Variants in DLC1 observed in about 807,000 individuals in gnomAD.
The protein encoded by DLC1 is rho GTPase-activating protein 7.
Under a neutral mutation model 140.3 loss-of-function variants are expected in DLC1, and 54 were observed. The ratio of observed to expected loss-of-function variants is 0.38; its 90% confidence interval spans 0.31 to 0.48. The LOEUF (loss-of-function observed/expected upper bound fraction) is 0.48. DLC1 is among the 20% of genes least tolerant of loss of function. The pLI, the probability that DLC1 is intolerant of heterozygous loss-of-function variation, is 0.96. For missense variants in DLC1, 2,536 were observed against 1,907.0 expected (o/e 1.33, Z -6.14); for synonymous variants, 986 against 728.1 (o/e 1.35, Z -5.70).
intron 5 of DLC1, chr8:13,304,958 C>A: frequency 9.7e-7 from 1 of 1,031,810 alleles, no homozygotes; most frequent in Admixed American, 5.4e-5. Context: ...TAACTAATTT[C>A]CAAATTCATT....
chr8:13,363,672 A>C (rs147318800), intron 4 of DLC1, among the ~76,000 whole-genome samples: 21 of 152,302 alleles, frequency 1.4e-4, no homozygotes, highest in African/African-American at 5.1e-4. Context: ...AAACAAAAAA[A>C]ACCAAAAGGA....
rs1491502803 is a variant in DLC1, at chr8:13,496,785, C to CTTTTTTTTTTTTTTTTTTTTTTTTT, written c.1023+2263_1023+2264insAAAAAAAAAAAAAAAAAAAAAAAAA. On this transcript the variant is annotated intron_variant, in intron 2 of 17. Coordinates refer to ENST00000276297, the MANE Select transcript of DLC1 (RefSeq NM_182643.3). ...TAATTAACAAATTCTTAGACCATTT[C>CTTTTTTTTTTTTTTTTTTTTTTTTT]CTTTTTTTTTTTTTTTTTTTTTTTT... Among the ~76,000 whole-genome samples, 16 of 8,648 alleles carry CTTTTTTTTTTTTTTTTTTTTTTTTT rather than the reference C, an allele frequency of 1.9e-3. 4 individuals are homozygous for CTTTTTTTTTTTTTTTTTTTTTTTTT. The highest frequency in any genetic ancestry group is 4.8e-3 in the Non-Finnish European group (7 of 1,456). The allele number at this position is 8,648 out of a possible 152,430, so 5.7% of individuals were successfully genotyped here. A position where few individuals can be genotyped will look rare whatever the true frequency, so the allele number is the denominator to read the frequency against.
At chr8:13,571,490 T>C (rs187803093) in intron 1 of DLC1, among the ~76,000 whole-genome samples, 1 of 152,372 alleles carries the variant, frequency 6.6e-6, no homozygotes, top group East Asian at 1.9e-4. Flanking sequence ...TCTGGCTTAG[T>C]GTCGAGGTTC....
intron 5 of DLC1, among the ~76,000 whole-genome samples, chr8:13,194,100 A>G (rs528927495): frequency 1.4e-4 from 22 of 152,376 alleles, no homozygotes; most frequent in Non-Finnish European, 2.4e-4. Flanking sequence ...CAAAATCTGC[A>G]TTCGCTACCC....
At chr8:13,285,417 G>A (rs1043155396) in intron 5 of DLC1, among the ~76,000 whole-genome samples, 1 of 152,096 alleles carries the variant, frequency 6.6e-6, no homozygotes, top group Non-Finnish European at 1.5e-5. Context: ...ATAGACCACA[G>A]ACCTAAATGT....
chr8:13,477,373 C>G (rs762641387), intron 2 of DLC1, among the ~76,000 whole-genome samples: 3 of 152,094 alleles, frequency 2.0e-5, no homozygotes, highest in Non-Finnish European at 4.4e-5. Flanking sequence ...TATGTACAGC[C>G]ACTACTGAGA....
chr8:13,360,645 CTG>C (rs1835180003), intron 4 of DLC1, among the ~76,000 whole-genome samples: 1 of 151,900 alleles, frequency 6.6e-6, no homozygotes, highest in Non-Finnish European at 1.5e-5. Flanking sequence ...AAGACTTACT[CTG>C]TGTTTTTTGG....
chr8:13,092,850 A>C (rs778780140), intron 12 of DLC1, 25 bp from the exon 13 acceptor site: 40 of 1,601,264 alleles, frequency 2.5e-5, no homozygotes, highest in Middle Eastern at 1.7e-4. Context: ...CACTTTCTCC[A>C]TCAGCTTGGT....
chr8:13,431,622 C>A (rs1414062197), intron 2 of DLC1, among the ~76,000 whole-genome samples: 1 of 149,404 alleles, frequency 6.7e-6, no homozygotes, highest in Admixed American at 6.7e-5. Context: ...GCAAATATGG[C>A]TACCTGAAAT....
chr8:13,169,550 C>G (rs767783515), intron 5 of DLC1, among the ~76,000 whole-genome samples: 1 of 152,084 alleles, frequency 6.6e-6, no homozygotes, highest in African/African-American at 2.4e-5. Context: ...TGAGGGGGTA[C>G]TTAGGTTTCA....
intron 2 of DLC1, among the ~76,000 whole-genome samples, chr8:13,457,698 A>AAAAG (rs1563364560): frequency 1.7e-4 from 26 of 150,222 alleles, no homozygotes; most frequent in African/African-American, 5.7e-4. Context: ...AAAAAAAAAA[A>AAAAG]AAAGAAATAA....
intron 2 of DLC1, among the ~76,000 whole-genome samples, chr8:13,446,806 G>C (rs921065242): frequency 4.6e-5 from 7 of 152,138 alleles, no homozygotes; most frequent in African/African-American, 1.4e-4. Flanking sequence ...GCCAGGCGTG[G>C]TGGTGGGTGC....
At chr8:13,104,565 G>C (rs1819395010) in intron 7 of DLC1, among the ~76,000 whole-genome samples, 1 of 152,124 alleles carries the variant, frequency 6.6e-6, no homozygotes, top group Non-Finnish European at 1.5e-5. Flanking sequence ...CAGTTTTCTA[G>C]TTTTTCCTAC....
chr8:13,551,874 A>G (rs1394753638), intron 1 of DLC1, among the ~76,000 whole-genome samples: 1 of 132,748 alleles, frequency 7.5e-6, no homozygotes, highest in Non-Finnish European at 1.6e-5. Flanking sequence ...GTGTATATAT[A>G]TATATATAGA....
chr8:13,122,101 G>A (rs73554484), intron 5 of DLC1, among the ~76,000 whole-genome samples: 22,724 of 151,822 alleles, frequency 0.15, 1,770 homozygotes, highest in African/African-American at 0.22. Flanking sequence ...CAACAAATCC[G>A]TCCTCCTTCA....
intron 5 of DLC1, among the ~76,000 whole-genome samples, chr8:13,187,650 T>C (rs1011277046): frequency 6.6e-6 from 1 of 152,166 alleles, no homozygotes; most frequent in Non-Finnish European, 1.5e-5. Context: ...TTGGAGATAC[T>C]ATGTGGGAAG....
At chr8:13,403,924 G>T (rs1837413233) in intron 2 of DLC1, among the ~76,000 whole-genome samples, 1 of 149,682 alleles carries the variant, frequency 6.7e-6, no homozygotes, top group Non-Finnish European at 1.5e-5. Flanking sequence ...TTCCCAAAGT[G>T]CTGGGATTAC....
chr8:13,536,840 C>A (rs1413623782), intron 1 of DLC1, among the ~76,000 whole-genome samples: 1 of 152,122 alleles, frequency 6.6e-6, no homozygotes, highest in East Asian at 1.9e-4. Context: ...TCCTTTGTAA[C>A]TATGAAGTAC....
At chr8:13,399,863 C>T (rs971491912) in intron 3 of DLC1, among the ~76,000 whole-genome samples, 6 of 151,966 alleles carry the variant, frequency 3.9e-5, no homozygotes, top group South Asian at 2.1e-4. Context: ...GGTAGGGGGG[C>T]GGTGAGTGTT....
Sources: gnomAD v4.1 joint callset for allele counts (sites outside exome capture counted in the v4.1 genomes callset) on GRCh38, gnomAD v4.1.1 for gene constraint, MANE v1.5 for transcripts, NCBI Gene and HGNC (gene_info 2026-07-23, HGNC 2026-07-21) for gene names.